Variants in EIF4E1B observed in about 807,000 individuals in gnomAD.
The protein encoded by EIF4E1B is eukaryotic translation initiation factor 4E type 1B.
A neutral mutation model predicts 31.3 loss-of-function variants in EIF4E1B; 22 were observed. The observed-to-expected ratio is 0.70, with a 90% CI of 0.50 to 1.00. The LOEUF is 1.00. Among genes scored for constraint, EIF4E1B ranks in the 50% least tolerant of loss-of-function variants. The probability of loss-of-function intolerance (pLI) is 0.00; values close to 1 mark genes in which losing one functional copy is unlikely to be tolerated. For synonymous variants in EIF4E1B, 126 were observed against 120.2 expected, an observed-to-expected ratio of 1.05 and a Z score of -0.31; for missense variants, 290 against 311.6, an observed-to-expected ratio of 0.93 and a Z score of 0.52.
At chr5:176,634,883 T>C (rs1322254661) in intron 1 of EIF4E1B, among the ~76,000 whole-genome samples, 1 of 152,202 alleles carries the variant, frequency 6.6e-6, no homozygotes, top group Middle Eastern at 3.4e-3. Flanking sequence ...TTGGCCAGGC[T>C]GGTCTCGATC....
In EIF4E1B at chr5:176,645,048, A is replaced by G. The variant is rs1760666854; in HGVS notation, c.361-82A>G. The G allele has an allele frequency of 2.4e-6, 3 of 1,259,634 alleles. No individual in the cohort carries two copies. In the South Asian group the frequency reaches 4.3e-5, roughly 18 times the overall value. The allele number at this position is 1,259,634 out of a possible 1,614,324, so 78.0% of individuals were successfully genotyped here. On this transcript the variant is annotated intron_variant, in intron 6 of 8. Coordinates refer to ENST00000318682, the MANE Select transcript of EIF4E1B (RefSeq NM_001099408.2). The surrounding 1 kb of genome is among the most constrained non-coding windows in gnomAD (Gnocchi z 5.4). ...TGGCCTACTTAGGGCCTCAGCAGAGAGCGGATAAGGCCGGGATGGTGGGTG... is the reference window on the plus strand; with the variant it reads ...TGGCCTACTTAGGGCCTCAGCAGAGGGCGGATAAGGCCGGGATGGTGGGTG...
chr5:176,645,566 G>A lies in EIF4E1B; in HGVS notation c.614+50G>A. The A allele has an allele frequency of 6.7e-7, 1 of 1,485,970 alleles. No homozygotes were observed. Among genetic ancestry groups the A allele is most frequent in the Admixed American group, 2.5e-5 (1 of 40,054 alleles). The allele number at this position is 1,485,970 out of a possible 1,614,324, so 92.0% of individuals were successfully genotyped here. A position where few individuals can be genotyped will look rare whatever the true frequency, so the allele number is the denominator to read the frequency against. On this transcript the variant is annotated intron_variant, in intron 8 of 8. Transcript: ENST00000318682. This position sits in a 1 kb window ranked among gnomAD's most constrained non-coding sequence, Gnocchi z 5.4. ...TGGGGACTTGGGTCTCTGCTAGAGG[G>A]AAGGTGGGTGGAGGGGGCTTGGCCT...
chr5:176,632,861 C>T (rs1760429268), intron 1 of EIF4E1B, among the ~76,000 whole-genome samples: 1 of 152,162 alleles, frequency 6.6e-6, no homozygotes, highest in Non-Finnish European at 1.5e-5. Flanking sequence ...ATTGCTTTCT[C>T]AGTCTTCCTT....
At chr5:176,636,479 C>T (rs912323055) in intron 1 of EIF4E1B, among the ~76,000 whole-genome samples, 1 of 152,232 alleles carries the variant, frequency 6.6e-6, no homozygotes, top group Non-Finnish European at 1.5e-5. Flanking sequence ...TAGAGAAGAT[C>T]CTCGTTGGAG....
At chr5:176,642,870 C>CCCCCCCCCCGGG in intron 3 of EIF4E1B, 68 bp downstream of exon 3, 1 of 1,426,040 alleles carries the variant, frequency 7.0e-7, no homozygotes, top group Middle Eastern at 2.5e-4. Flanking sequence ...CCCCCCGCCC[C>CCCCCCCCCCGGG]AGGTGGGCGG....
At chr5:176,644,637 G>C (rs1760658576) in intron 6 of EIF4E1B, 198 bp downstream of exon 6, 1 of 581,164 alleles carries the variant, frequency 1.7e-6, no homozygotes, top group Non-Finnish European at 2.9e-6. Context: ...CACCTTGGAG[G>C]ACCTTAAGAG....
rs1167697595 is a variant in EIF4E1B at position 176,638,885 on chromosome 5, C to T, written c.-201-3158C>T. ...TACCTCCCCAATTCAAGTGATTCTC[C>T]TGCCTCAGCCTCCCAAGTAGCTGGG... On this transcript the variant is annotated intron_variant, in intron 1 of 8. Transcript: ENST00000318682. The surrounding 1 kb of genome is among the most constrained non-coding windows in gnomAD (Gnocchi z 4.3). Among the ~76,000 whole-genome samples, 1 of 152,234 alleles carries T rather than the reference C, an allele frequency of 6.6e-6. No individual in the cohort carries two copies. Among genetic ancestry groups the T allele is most frequent in the African/African-American group, 2.4e-5 (1 of 41,452 alleles).
chr5:176,635,260 G>A (rs938862654), intron 1 of EIF4E1B, among the ~76,000 whole-genome samples: 2 of 152,050 alleles, frequency 1.3e-5, no homozygotes, highest in East Asian at 1.9e-4. Flanking sequence ...AGAGGTCGAC[G>A]AGATAAATGC....
chr5:176,633,603 C>T (rs984700119), intron 1 of EIF4E1B, among the ~76,000 whole-genome samples: 2 of 152,094 alleles, frequency 1.3e-5, no homozygotes, highest in Non-Finnish European at 1.5e-5. Context: ...AGCTATTGTA[C>T]CTGGCCCATG....
rs377579223 is a variant in EIF4E1B, at chr5:176,632,281, A to C, written c.-202+1217A>C. On this transcript the variant is annotated intron_variant, in intron 1 of 8. Transcript: ENST00000318682. ...TTTCTTTCTTGTTTTTTTGAGATGG[A>C]GTCTCCCTCTGTCACCCAGGCTGGA... 9.2e-5 allele frequency among the ~76,000 whole-genome samples: 14 copies of C among 152,168 alleles called. No individual in the cohort carries two copies. The East Asian group carries it at 2.7e-3, about 29-fold the overall frequency.
At position 176,634,054 on chromosome 5, in the gene EIF4E1B, G is replaced by A. The variant is rs1242788651; in HGVS notation, c.-202+2990G>A. Among the ~76,000 whole-genome samples the A allele has an allele frequency of 2.6e-5, 4 of 152,090 alleles. No individual in the cohort carries two copies. In the East Asian group the frequency reaches 7.7e-4, roughly 29 times the overall value. ...ATTAGGTGTTATGGGAGACGGAGAA[G>A]GACAAGTTGAGGAAGATTCCCAGGT... On this transcript the variant is annotated intron_variant, in intron 1 of 8. Transcript: ENST00000318682.
At position 176,645,109 on chromosome 5, in the gene EIF4E1B, G is replaced by C; in HGVS notation, c.361-21G>C. The C allele has an allele frequency of 6.5e-7, 1 of 1,548,096 alleles. No individual in the cohort carries two copies. Among genetic ancestry groups the C allele is most frequent in the Non-Finnish European group, 8.7e-7 (1 of 1,144,212 alleles). On this transcript the variant is annotated intron_variant, in intron 6 of 8. Transcript: ENST00000318682. The surrounding 1 kb of genome is among the most constrained non-coding windows in gnomAD (Gnocchi z 5.4). ...TCCCTTTGAACACAGGGAGGCAGTT[G>C]ACTTGCCATCTGCCTTGCAGGATGG... is the stretch of plus-strand genomic sequence containing the variant.
intron 4 of EIF4E1B, 101 bp from the exon 5 acceptor site, chr5:176,643,538 G>A (rs2113447307): frequency 8.8e-7 from 1 of 1,140,170 alleles, no homozygotes; most frequent in Non-Finnish European, 1.3e-6. Context: ...TCATCTCCCA[G>A]TTCGCCCTTG....
At chr5:176,644,104 G>A (rs1760647422) in intron 5 of EIF4E1B, 1 of 573,398 alleles carries the variant, frequency 1.7e-6, no homozygotes, top group African/African-American at 1.9e-5. Flanking sequence ...CCCTAGGGAG[G>A]GTGAGAAGGC....
At position 176,646,641 on chromosome 5, in the gene EIF4E1B, C is replaced by G. The variant is rs1442790879; in HGVS notation, c.*661C>G. 1 of 152,246 alleles carries G rather than the reference C, an allele frequency of 6.6e-6. No individual in the cohort carries two copies. Among genetic ancestry groups the G allele is most frequent in the African/African-American group, 2.4e-5 (1 of 41,446 alleles). 9.4% of individuals were successfully genotyped at this position (152,246 alleles called of 1,614,324 possible). On this transcript the variant is annotated 3_prime_UTR_variant, in exon 9 of 9. Transcript: ENST00000318682. The stretch of plus-strand genomic sequence containing the variant: ...CCTGTTTTAAATAAATACTTCTGAA[C>G]AAAGTTGGAATTATTTTTAAGAGGG...
intron 5 of EIF4E1B, chr5:176,644,096 C>A (rs939485209): frequency 7.0e-6 from 4 of 573,156 alleles, no homozygotes; most frequent in African/African-American, 1.9e-5. Context: ...TACACAAGCC[C>A]TAGGGAGGGT....
chr5:176,643,765 T>TG lies in EIF4E1B; in HGVS notation c.296+37dup, dbSNP rs754129447. 75 of 1,592,788 alleles carry TG rather than the reference T, an allele frequency of 4.7e-5. No homozygotes were observed. The African/African-American group carries it at 8.8e-4, about 19-fold the overall frequency. The stretch of plus-strand genomic sequence containing the variant: ...TGTCTGTCCCCAGTGGGGCTAGAGT[T>TG]GGGGGGCTCTGAGCTCTGGGCTCCC... On this transcript the variant is annotated intron_variant, in intron 5 of 8. Transcript: ENST00000318682.
intron 1 of EIF4E1B, among the ~76,000 whole-genome samples, chr5:176,636,294 C>T (rs538542733): frequency 5.3e-5 from 8 of 152,348 alleles, no homozygotes; most frequent in African/African-American, 1.9e-4. Flanking sequence ...CGTGGGCCTC[C>T]AGTGGCCAGT....
Position 176,642,822 on chromosome 5 carries a change from T to C in EIF4E1B, c.15+20T>C, listed in dbSNP as rs1219537431. The C allele has an allele frequency of 2.6e-5, 35 of 1,356,964 alleles. No individual in the cohort carries two copies. Among genetic ancestry groups the C allele is most frequent in the Non-Finnish European group, 3.3e-5 (34 of 1,019,704 alleles). The allele number at this position is 1,356,964 out of a possible 1,614,324, so 84.1% of individuals were successfully genotyped here. A position where few individuals can be genotyped will look rare whatever the true frequency, so the allele number is the denominator to read the frequency against. ...GTTGAGGTAATCAGCCTGGCCTCTC[T>C]ACCCCCAGTGCACCATGGCCCCGCC... is the stretch of plus-strand genomic sequence containing the variant. On this transcript the variant is annotated intron_variant, in intron 3 of 8. Coordinates refer to ENST00000318682, the MANE Select transcript of EIF4E1B (RefSeq NM_001099408.2).
Sources: allele counts gnomAD v4.1 joint callset (sites outside exome capture counted in the v4.1 genomes callset), GRCh38; gene constraint gnomAD v4.1.1; non-coding constraint Gnocchi (gnomAD v3.1); transcripts MANE v1.5; gene names NCBI Gene and HGNC (gene_info 2026-07-23, HGNC 2026-07-21).